The following WWC2 variants were observed in gnomAD, a reference collection of about 807,000 sequenced individuals.
WWC2 encodes the protein protein WWC2.
Under a neutral mutation model 138.5 loss-of-function variants are expected in WWC2, and 101 were observed. The observed-to-expected ratio is 0.73, with a 90% CI of 0.62 to 0.86. The LOEUF (loss-of-function observed/expected upper bound fraction) is 0.86, where lower values mean the gene tolerates loss of function less well. Among genes scored for constraint, WWC2 ranks in the 40% least tolerant of loss-of-function variants. The pLI, the probability that WWC2 is intolerant of heterozygous loss-of-function variation, is 0.00. For synonymous variants in WWC2, 558 were observed against 538.4 expected, an observed-to-expected ratio of 1.04 and a Z score of -0.50; for missense variants, 1,420 against 1,419.4, an observed-to-expected ratio of 1.00 and a Z score of -0.01.
At chr4:183,108,116 A>G (rs556788244) in intron 1 of WWC2, among the ~76,000 whole-genome samples, 1 of 152,310 alleles carries the variant, frequency 6.6e-6, no homozygotes, top group African/African-American at 2.4e-5. Flanking sequence ...ACATCAGCTT[A>G]TTCAAAATGA....
chr4:183,247,931 A>G lies in WWC2; in HGVS notation c.733-783A>G, dbSNP rs1002159006. 5.9e-4 allele frequency among the ~76,000 whole-genome samples: 89 copies of G among 151,268 alleles called. 2 individuals carry two copies. The highest frequency in any genetic ancestry group is 1.9e-4 in the East Asian group (1 of 5,178). On this transcript the variant is annotated intron_variant, in intron 6 of 22. Transcript: ENST00000403733. ...ATTAAATACAGGCTCTTTTGTTGAT[A>G]ATAATGGTTTCTTATCATTTTATTA...
Position 183,296,920 on chromosome 4 carries a change from C to T in WWC2, c.3384+7285C>T, listed in dbSNP as rs374633771. On this transcript the variant is annotated intron_variant, in intron 21 of 22. Transcript: ENST00000403733. ...CTGCACTCCAGCCTGGGCAACAGAG[C>T]GAGACTCCGTCTCAAAAAAAAAAAA... Among the ~76,000 whole-genome samples the T allele has an allele frequency of 6.4e-3, 684 of 107,464 alleles. 9 individuals are homozygous for T. The highest frequency in any genetic ancestry group is 0.033 in the Middle Eastern group (3 of 90). 70.5% of individuals were successfully genotyped at this position (107,464 alleles called of 152,430 possible). A position where few individuals can be genotyped will look rare whatever the true frequency, so the allele number is the denominator to read the frequency against.
Position 183,265,079 on chromosome 4 carries a change from A to G in WWC2, c.2011A>G (p.Ser671Gly). Residue 671 changes from serine (S) to glycine (G), a missense_variant, in exon 12 of 23, where the codon AGT (serine) becomes GGT (glycine). By Grantham distance (56) the Ser-to-Gly change is moderately conservative (BLOSUM62 0). Transcript: ENST00000403733. ...AVSDESVAGD[S>G]GVYEAFVKQP... ...GTCTGATGAGTCTGTGGCTGGAGAC[A>G]GTGGGGTCTATGAAGCTTTCGTGAA... The G allele has an allele frequency of 6.2e-7, 1 of 1,612,184 alleles. No individual in the cohort carries two copies. The highest frequency in any genetic ancestry group is 8.5e-7 in the Non-Finnish European group (1 of 1,178,966).
intron 5 of WWC2, among the ~76,000 whole-genome samples, chr4:183,242,550 A>T (rs990955574): frequency 1.3e-5 from 2 of 152,208 alleles, no homozygotes; most frequent in Non-Finnish European, 2.9e-5. Context: ...TACCAGGAAG[A>T]TGCCTGTTTC....
intron 1 of WWC2, among the ~76,000 whole-genome samples, chr4:183,148,676 A>C (rs765155546): frequency 1.3e-5 from 2 of 152,196 alleles, no homozygotes; most frequent in Non-Finnish European, 2.9e-5. Context: ...TCATAAGATA[A>C]TGATCTGTGT....
At chr4:183,165,307 G>A (rs1453732130) in intron 1 of WWC2, among the ~76,000 whole-genome samples, 1 of 152,098 alleles carries the variant, frequency 6.6e-6, no homozygotes, top group Non-Finnish European at 1.5e-5. Flanking sequence ...GCTGAGTTGG[G>A]AAGCCTTCTT....
At chr4:183,188,976 G>T (rs1002964535) in intron 1 of WWC2, among the ~76,000 whole-genome samples, 5 of 151,960 alleles carry the variant, frequency 3.3e-5, no homozygotes, top group Admixed American at 1.3e-4. Context: ...AATCATTTAA[G>T]CTAATTTCCT....
chr4:183,256,392 G>A (rs1238826521), intron 9 of WWC2, among the ~76,000 whole-genome samples: 6 of 152,168 alleles, frequency 3.9e-5, no homozygotes, highest in Non-Finnish European at 7.3e-5. Flanking sequence ...AACCTCGTCT[G>A]GCTTTGGGTT....
chr4:183,317,373 A>G lies in WWC2; in HGVS notation c.*1644A>G, dbSNP rs1193903446. ...CACTTACATACAAATTTCTTTGAAGACATAACTGGACATGGCAGACACTGC... is the reference window on the plus strand; with the variant it reads ...CACTTACATACAAATTTCTTTGAAGGCATAACTGGACATGGCAGACACTGC... On this transcript the variant is annotated 3_prime_UTR_variant, in exon 23 of 23. Coordinates refer to ENST00000403733, the MANE Select transcript of WWC2 (RefSeq NM_024949.6). The G allele has an allele frequency of 6.6e-6, 1 of 152,596 alleles. No individual in the cohort carries two copies. The highest frequency in any genetic ancestry group is 1.5e-5 in the Non-Finnish European group (1 of 68,050). 9.5% of individuals were successfully genotyped at this position (152,596 alleles called of 1,614,324 possible).
chr4:183,224,265 C>A (rs1736008332), intron 4 of WWC2, among the ~76,000 whole-genome samples: 1 of 152,124 alleles, frequency 6.6e-6, no homozygotes, highest in South Asian at 2.1e-4. Context: ...ATATATCCAT[C>A]ATGAAGTGCA....
intron 1 of WWC2, among the ~76,000 whole-genome samples, chr4:183,127,738 C>T (rs1217374473): frequency 6.6e-6 from 1 of 151,954 alleles, no homozygotes; most frequent in Non-Finnish European, 1.5e-5. Context: ...TATTATATAC[C>T]TTAAATGTGT....
At chr4:183,203,177 CTTT>C (rs35722099) in intron 2 of WWC2, among the ~76,000 whole-genome samples, 2 of 139,178 alleles carry the variant, frequency 1.4e-5, no homozygotes. Context: ...AATTCATTTG[CTTT>C]TTTTTTTTTT....
chr4:183,184,760 T>G (rs6856333), intron 1 of WWC2, among the ~76,000 whole-genome samples: 149,654 of 152,264 alleles, frequency 0.98, 73,592 homozygotes, highest in Middle Eastern at 1. Context: ...GTTACTATTT[T>G]TATATAAGTT....
In WWC2 at chr4:183,154,961, G is replaced by A. The variant is rs149196154; in HGVS notation, c.132-38638G>A. ...TTAAGCACTAAATTCCTTTGACACC[G>A]CCTTGCTCTCGCAGCTGCTCTGTCC... On this transcript the variant is annotated intron_variant, in intron 1 of 22. Transcript: ENST00000403733. Among the ~76,000 whole-genome samples, 180 of 152,262 alleles carry A rather than the reference G, an allele frequency of 1.2e-3. 2 individuals are homozygous for A. The highest frequency in any genetic ancestry group is 4.2e-3 in the African/African-American group (174 of 41,546).
chr4:183,204,345 G>C (rs958250259), intron 2 of WWC2, among the ~76,000 whole-genome samples: 4 of 152,116 alleles, frequency 2.6e-5, no homozygotes, highest in African/African-American at 7.2e-5. Context: ...TGCTACAAAG[G>C]CTGCATCAGA....
chr4:183,207,843 A>G (rs1735486760), intron 2 of WWC2, 110 bp from the exon 3 acceptor site: 1 of 1,041,466 alleles, frequency 9.6e-7, no homozygotes. Context: ...GCACAGCTAA[A>G]TAAACTCCTT....
At chr4:183,245,271 T>C (rs17074515) in intron 5 of WWC2, 145 bp from the exon 6 acceptor site, 7,449 of 418,412 alleles carry the variant, frequency 0.018, 581 homozygotes, top group African/African-American at 0.15. Context: ...GAGGAGAAAC[T>C]GCCTGAAAAG....
chr4:183,226,892 A>T (rs1331722937), intron 4 of WWC2, among the ~76,000 whole-genome samples: 1 of 152,074 alleles, frequency 6.6e-6, no homozygotes, highest in South Asian at 2.1e-4. Flanking sequence ...TAGAGACTGT[A>T]CACCGGGTTC....
intron 21 of WWC2, among the ~76,000 whole-genome samples, chr4:183,297,848 A>G (rs1738689009): frequency 6.6e-6 from 1 of 152,256 alleles, no homozygotes; most frequent in South Asian, 2.1e-4. Context: ...CATGCTAACC[A>G]CATCTCACAG....
Sources: gnomAD v4.1 joint callset for allele counts (sites outside exome capture counted in the v4.1 genomes callset) on GRCh38, gnomAD v4.1.1 for gene constraint, MANE v1.5 for transcripts, NCBI Gene and HGNC (gene_info 2026-07-23, HGNC 2026-07-21) for gene names.